TENM2: variants seen among roughly 807,000 people sequenced by gnomAD.
TENM2 encodes the protein teneurin-2.
A neutral mutation model predicts 245.2 loss-of-function variants in TENM2; 52 were observed. The ratio of observed to expected loss-of-function variants is 0.21; its 90% CI spans 0.17 to 0.27. The LOEUF is 0.27. Ranked by LOEUF, TENM2 falls within the 10% of genes least tolerant of loss-of-function variation. TENM2 has a pLI of 1.00. For missense variants in TENM2, 3,046 were observed against 3,666.8 expected, an observed-to-expected ratio of 0.83 and a Z score of 4.37; for synonymous variants, 1,363 against 1,438.9, an observed-to-expected ratio of 0.95 and a Z score of 1.19.
chr5:167,719,138 A>C (rs1005728563), intron 2 of TENM2, among the ~76,000 whole-genome samples: 20 of 152,220 alleles, frequency 1.3e-4, no homozygotes, highest in African/African-American at 4.8e-4. Context: ...CAGGTTGGGA[A>C]TGTAGTTAAA....
chr5:167,725,737 T>C (rs1382490394), intron 2 of TENM2, among the ~76,000 whole-genome samples: 3 of 152,160 alleles, frequency 2.0e-5, no homozygotes, highest in Non-Finnish European at 4.4e-5. Context: ...TATTTACTTT[T>C]CTAAGTGCAT....
At chr5:167,627,041 G>A (rs1404760798) in intron 2 of TENM2, among the ~76,000 whole-genome samples, 1 of 152,128 alleles carries the variant, frequency 6.6e-6, no homozygotes, top group Non-Finnish European at 1.5e-5. Context: ...GAAAGGAAAT[G>A]TCTTCATTGA....
intron 2 of TENM2, among the ~76,000 whole-genome samples, chr5:167,479,399 A>G (rs984518376): frequency 6.6e-6 from 1 of 152,190 alleles, no homozygotes; most frequent in Admixed American, 6.5e-5. Flanking sequence ...AATGGAATAG[A>G]ATAGATTAAG....
Position 168,143,936 on chromosome 5 carries a change from G to A in TENM2, c.2422+16970G>A, listed in dbSNP as rs964667359. Among the ~76,000 whole-genome samples the A allele has an allele frequency of 1.4e-4, 19 of 139,272 alleles. No homozygotes were observed. In the East Asian group the frequency reaches 2.3e-3, roughly 17 times the overall value. 91.4% of individuals were successfully genotyped at this position (139,272 alleles called of 152,430 possible). ...GCGATCTCGGCTCACTGCAACCTCCGTTTCCCGGGTTCAAGAGATTCTCCT... is the reference window on the plus strand; with the variant it reads ...GCGATCTCGGCTCACTGCAACCTCCATTTCCCGGGTTCAAGAGATTCTCCT... On this transcript the variant is annotated intron_variant, in intron 12 of 28. Transcript: ENST00000518659.
rs1012087173 is a variant in TENM2 at position 167,998,964 on chromosome 5, C to T, written c.1186+5782C>T. Reference sequence around the variant, plus strand: ...ACACTTGAAAATTGATATGTTGAGACTCACGCTGATGAATCTTGCGTTCTC... The same window carrying T: ...ACACTTGAAAATTGATATGTTGAGATTCACGCTGATGAATCTTGCGTTCTC... On this transcript the variant is annotated intron_variant, in intron 5 of 28. Coordinates refer to ENST00000518659, the Ensembl canonical transcript of TENM2. Among the ~76,000 whole-genome samples, 2 of 152,180 alleles carry T rather than the reference C, an allele frequency of 1.3e-5. 1 individual carries two copies. The highest frequency in any genetic ancestry group is 4.1e-4 in the South Asian group (2 of 4,834).
exon 25 of TENM2, chr5:168,227,909 A>G: frequency 6.3e-7 from 1 of 1,595,446 alleles, no homozygotes; most frequent in East Asian, 2.3e-5. Context: ...AGTTCGGAAC[A>G]GCTACCAGCT....
chr5:166,984,611 C>G, the TENM2 span, among the ~76,000 whole-genome samples: 6 of 151,980 alleles, frequency 3.9e-5, no homozygotes, highest in African/African-American at 1.4e-4. Flanking sequence ...AAAAAAGTCA[C>G]TTCAAAATTT....
the TENM2 span, among the ~76,000 whole-genome samples, chr5:167,068,776 G>T: frequency 1.8e-3 from 272 of 152,250 alleles, no homozygotes; most frequent in African/African-American, 6.1e-3. Context: ...GGTATATACA[G>T]ACCAAGTAAT....
chr5:168,136,565 C>T lies in TENM2; in HGVS notation c.2422+9599C>T, dbSNP rs546637596. 3.3e-5 allele frequency among the ~76,000 whole-genome samples: 5 copies of T among 152,312 alleles called. No individual in the cohort carries two copies. The East Asian group carries it at 9.7e-4, about 29-fold the overall frequency. The stretch of plus-strand genomic sequence containing the variant: ...ACAGTAAAGGAGAGAACACCACACT[C>T]CCCAGCTTTATCAACGGGTCCAAAG... On this transcript the variant is annotated intron_variant, in intron 12 of 28. Transcript: ENST00000518659.
intron 12 of TENM2, among the ~76,000 whole-genome samples, chr5:168,156,909 C>T (rs971119331): frequency 2.6e-5 from 4 of 152,150 alleles, no homozygotes; most frequent in African/African-American, 7.2e-5. Flanking sequence ...ATAGCAGGAA[C>T]GCCTGGGGCA....
chr5:167,090,129 TACTGTAAGAGAA>T, the TENM2 span, among the ~76,000 whole-genome samples: 5 of 152,152 alleles, frequency 3.3e-5, no homozygotes, highest in African/African-American at 1.2e-4. Context: ...AATAATTTAT[TACTGTAAGAGAA>T]GAATGGTAAT....
intron 1 of TENM2, among the ~76,000 whole-genome samples, chr5:167,326,285 A>G (rs1757071534): frequency 6.6e-6 from 1 of 152,162 alleles, no homozygotes; most frequent in African/African-American, 2.4e-5. Context: ...TTATAGTGGG[A>G]AGTCACTGGA....
At chr5:168,180,782 A>C (rs189758068) in intron 13 of TENM2, among the ~76,000 whole-genome samples, 1 of 152,120 alleles carries the variant, frequency 6.6e-6, no homozygotes, top group South Asian at 2.1e-4. Context: ...GGCGCCTGTA[A>C]TGCCAGCTAC....
At chr5:168,035,040 T>C (rs1787538000) in intron 5 of TENM2, among the ~76,000 whole-genome samples, 1 of 152,228 alleles carries the variant, frequency 6.6e-6, no homozygotes, top group Non-Finnish European at 1.5e-5. Flanking sequence ...AGATGTGCTG[T>C]TAACTATAAA....
chr5:167,474,088 C>A (rs968839847), intron 2 of TENM2, among the ~76,000 whole-genome samples: 1 of 152,104 alleles, frequency 6.6e-6, no homozygotes, highest in Non-Finnish European at 1.5e-5. Context: ...GAAACGCCTA[C>A]CCCACTTACC....
At chr5:168,181,075 T>C (rs945240096) in intron 13 of TENM2, among the ~76,000 whole-genome samples, 2 of 152,160 alleles carry the variant, frequency 1.3e-5, no homozygotes, top group Middle Eastern at 3.2e-3. Flanking sequence ...AGCAACAACA[T>C]AGACATCACC....
At chr5:167,529,903 G>T (rs1451218681) in intron 2 of TENM2, among the ~76,000 whole-genome samples, 1 of 152,122 alleles carries the variant, frequency 6.6e-6, no homozygotes, top group African/African-American at 2.4e-5. Context: ...AGAGAAGAAA[G>T]GAATGGCTAC....
chr5:167,355,330 A>T (rs1759239120), intron 1 of TENM2, among the ~76,000 whole-genome samples: 1 of 151,442 alleles, frequency 6.6e-6, no homozygotes, highest in Admixed American at 6.6e-5. Context: ...GATAATGCTG[A>T]TGGATAGACT....
intron 12 of TENM2, among the ~76,000 whole-genome samples, chr5:168,156,831 A>G (rs1314050096): frequency 6.6e-6 from 1 of 152,094 alleles, no homozygotes; most frequent in Non-Finnish European, 1.5e-5. Flanking sequence ...TCCCCCAACT[A>G]CTTATTGAAT....
Sources: gnomAD v4.1 joint callset for allele counts (sites outside exome capture counted in the v4.1 genomes callset) on GRCh38, gnomAD v4.1.1 for gene constraint, MANE v1.5 for transcripts, NCBI Gene and HGNC (gene_info 2026-07-23, HGNC 2026-07-21) for gene names.